The following EBF2 variants were observed in gnomAD, a reference collection of about 807,000 sequenced individuals.
The protein encoded by EBF2 is EBF transcription factor 2, also known as transcription factor COE2.
A neutral mutation model predicts 72.8 loss-of-function variants in EBF2; 21 were observed. The observed-to-expected ratio is 0.29, with a 90% CI of 0.20 to 0.42. EBF2 has a LOEUF of 0.42. Among genes scored for constraint, EBF2 ranks in the 10% least tolerant of loss-of-function variants. The pLI is 1.00. For missense variants in EBF2, 637 were observed against 731.2 expected, an observed-to-expected ratio of 0.87 and a Z score of 1.49; for synonymous variants, 299 against 274.2, an observed-to-expected ratio of 1.09 and a Z score of -0.89.
intron 6 of EBF2, among the ~76,000 whole-genome samples, chr8:25,988,924 G>C (rs182307964): frequency 6.0e-4 from 91 of 152,278 alleles, no homozygotes; most frequent in Non-Finnish European, 1.6e-4. Flanking sequence ...TGCAAAACAA[G>C]ACTAATACAC....
At chr8:25,928,782 G>GGAAAAA in intron 6 of EBF2, among the ~76,000 whole-genome samples, 1 of 110,374 alleles carries the variant, frequency 9.1e-6, no homozygotes, top group East Asian at 2.5e-4. Context: ...ATTTTTAAAT[G>GGAAAAA]AAAAAAAAAA....
At chr8:26,041,193 G>A in intron 2 of EBF2, 191 bp from the exon 3 acceptor site, 1 of 641,196 alleles carries the variant, frequency 1.6e-6, no homozygotes, top group South Asian at 1.9e-5. Context: ...AACTTGCCAA[G>A]ACTCGTAGCC....
intron 10 of EBF2, among the ~76,000 whole-genome samples, chr8:25,864,946 C>T (rs59221655): frequency 0.053 from 7,986 of 151,862 alleles, 737 homozygotes; most frequent in African/African-American, 0.18. Flanking sequence ...TACAGGCGCG[C>T]GCCACCATGC....
chr8:25,949,997 G>A (rs1211600136), intron 6 of EBF2, among the ~76,000 whole-genome samples: 1 of 152,184 alleles, frequency 6.6e-6, no homozygotes, highest in Non-Finnish European at 1.5e-5. Context: ...CAAGCACGAG[G>A]CCAAGGAGAT....
At chr8:26,019,571 G>T (rs79230657) in intron 6 of EBF2, among the ~76,000 whole-genome samples, 1 of 152,216 alleles carries the variant, frequency 6.6e-6, no homozygotes. Context: ...AGGATCATCT[G>T]CTGGTTATGG....
At chr8:26,034,456 G>A (rs538086602) in intron 5 of EBF2, among the ~76,000 whole-genome samples, 16 of 152,252 alleles carry the variant, frequency 1.1e-4, no homozygotes, top group African/African-American at 3.4e-4. Context: ...AGATCCCCTG[G>A]GGCAATTACA....
At chr8:25,897,063 TA>T (rs1222975066) in intron 7 of EBF2, among the ~76,000 whole-genome samples, 1 of 152,190 alleles carries the variant, frequency 6.6e-6, no homozygotes, top group African/African-American at 2.4e-5. Flanking sequence ...TCCCGAAGGC[TA>T]AATTTTCTGT....
intron 13 of EBF2, among the ~76,000 whole-genome samples, chr8:25,860,490 T>G (rs1802193043): frequency 6.7e-6 from 1 of 149,916 alleles, no homozygotes; most frequent in Non-Finnish European, 1.5e-5. Context: ...CCCAATCCTT[T>G]TTTTTTTTTT....
intron 6 of EBF2, among the ~76,000 whole-genome samples, chr8:25,958,659 A>G (rs546263211): frequency 1.2e-4 from 19 of 152,318 alleles, no homozygotes; most frequent in Admixed American, 2.0e-4. Flanking sequence ...TTTTTAAGGA[A>G]GGTTCCCTGT....
intron 6 of EBF2, among the ~76,000 whole-genome samples, chr8:26,029,687 G>T (rs1023408131): frequency 6.6e-6 from 1 of 152,198 alleles, no homozygotes; most frequent in South Asian, 2.1e-4. Context: ...TGAGAAGGGG[G>T]AGGAGATAAT....
intron 6 of EBF2, among the ~76,000 whole-genome samples, chr8:26,010,835 A>C (rs1173263487): frequency 1.3e-5 from 2 of 152,306 alleles, no homozygotes; most frequent in Non-Finnish European, 2.9e-5. Context: ...TCTGTCCTTC[A>C]TCACCGAGCG....
chr8:26,035,591 C>T (rs917599653), intron 5 of EBF2, among the ~76,000 whole-genome samples: 4 of 152,096 alleles, frequency 2.6e-5, no homozygotes, highest in Non-Finnish European at 5.9e-5. Flanking sequence ...AGTAAGTCTA[C>T]CATCCTCAGA....
At chr8:25,858,077 TTCTC>T (rs1291303492) in intron 14 of EBF2, 1 of 645,590 alleles carries the variant, frequency 1.5e-6, no homozygotes, top group Non-Finnish European at 2.9e-6. Context: ...CACATGCTCT[TTCTC>T]TATAAAAACG....
intron 10 of EBF2, among the ~76,000 whole-genome samples, chr8:25,863,165 ATTC>A (rs1198365530): frequency 6.6e-6 from 1 of 152,098 alleles, no homozygotes; most frequent in African/African-American, 2.4e-5. Flanking sequence ...TGCACTGTCT[ATTC>A]TTCTAAATAT....
chr8:25,986,958 C>A (rs1351344283), intron 6 of EBF2, among the ~76,000 whole-genome samples: 1 of 152,226 alleles, frequency 6.6e-6, no homozygotes, highest in Non-Finnish European at 1.5e-5. Context: ...GACACCCTCA[C>A]CCCCATCAGC....
At chr8:25,950,298 T>C (rs1803839985) in intron 6 of EBF2, among the ~76,000 whole-genome samples, 1 of 152,240 alleles carries the variant, frequency 6.6e-6, no homozygotes. Context: ...CCATTACTGA[T>C]GCCTACCTCA....
At chr8:25,983,100 G>A (rs565771231) in intron 6 of EBF2, among the ~76,000 whole-genome samples, 22 of 152,182 alleles carry the variant, frequency 1.4e-4, no homozygotes, top group African/African-American at 4.1e-4. Flanking sequence ...GCACGAGCAC[G>A]TTCAAATCAC....
rs192379175 is a variant in EBF2, at chr8:25,843,778, G to C, written c.*831C>G. 1.3e-5 allele frequency: 2 copies of C among 152,358 alleles called. No individual in the cohort carries two copies. Among genetic ancestry groups the C allele is most frequent in the East Asian group, 3.9e-4 (2 of 5,192 alleles). 9.4% of individuals were successfully genotyped at this position (152,358 alleles called of 1,614,324 possible). ...AGAGTGTCTGTTTCTGCATTAGGGT[G>C]TTCTGTGGGAATCTACATGTTCTTG... On this transcript the variant is annotated 3_prime_UTR_variant, in exon 16 of 16. Coordinates refer to ENST00000520164, the MANE Select transcript of EBF2 (RefSeq NM_022659.4).
chr8:25,972,529 G>T (rs560697203), intron 6 of EBF2, among the ~76,000 whole-genome samples: 1 of 152,278 alleles, frequency 6.6e-6, no homozygotes, highest in African/African-American at 2.4e-5. Flanking sequence ...CAGCTTTTAA[G>T]CCTGACACAA....
Sources: allele counts gnomAD v4.1 joint callset (sites outside exome capture counted in the v4.1 genomes callset), GRCh38; gene constraint gnomAD v4.1.1; transcripts MANE v1.5; gene names NCBI Gene and HGNC (gene_info 2026-07-23, HGNC 2026-07-21).